The following SPG11 variants were observed in gnomAD, a reference collection of about 807,000 sequenced individuals.
The protein encoded by SPG11 is spatacsin.
In SPG11, 222 loss-of-function variants were observed where a neutral mutation model predicts 274.0. The ratio of observed to expected loss-of-function variants is 0.81; its 90% confidence interval spans 0.73 to 0.91. SPG11 has a LOEUF of 0.91. Ranked by LOEUF, SPG11 falls within the 40% of genes least tolerant of loss-of-function variation. The pLI, the probability that SPG11 is intolerant of heterozygous loss-of-function variation, is 0.00. For missense variants in SPG11, 3,114 were observed against 2,872.7 expected, an observed-to-expected ratio of 1.08 and a Z score of -1.92; for synonymous variants, 1,144 against 1,039.7, an observed-to-expected ratio of 1.10 and a Z score of -1.93.
At chr15:44,582,407 G>T (rs528410022) in intron 30 of SPG11, among the ~76,000 whole-genome samples, 1 of 152,242 alleles carries the variant, frequency 6.6e-6, no homozygotes, top group Admixed American at 6.5e-5. Context: ...AAGTAGCCAA[G>T]CGTGGTGGTA....
rs764762491 is a variant in SPG11 at position 44,628,733 on chromosome 15, T to C, written c.2003A>G (p.Tyr668Cys). Reference protein sequence around the residue: ...PWKLTDAIDEYDVHENVPKVK... With the variant: ...PWKLTDAIDECDVHENVPKVK... The stretch of plus-strand genomic sequence containing the variant: ...TTTGGGGACATTTTCATGTACATCA[T>C]ATTCATCTATAGCATCTGTTAGCTT... Residue 668 changes from tyrosine to cysteine, a missense_variant, in exon 10 of 40, where the codon TAT (tyrosine) becomes TGT (cysteine). Tyr to Cys is a radical substitution (Grantham distance 194). Transcript: ENST00000261866. 5.4e-5 allele frequency: 87 copies of C among 1,613,676 alleles called. No individual in the cohort carries two copies. The Middle Eastern group carries it at 1.2e-3, about 21-fold the overall frequency.
chr15:44,599,373 C>T (rs1184503678), intron 21 of SPG11, among the ~76,000 whole-genome samples: 2 of 152,070 alleles, frequency 1.3e-5, no homozygotes, highest in African/African-American at 4.8e-5. Context: ...ATTCTTGGCT[C>T]ACTTCAACCT....
chr15:44,620,361 G>A lies in SPG11; in HGVS notation c.2663C>T (p.Thr888Ile). Residue 888 changes from threonine to isoleucine, a missense_variant, in exon 15 of 40, where the codon ACA becomes ATA. Physicochemically the swap from Thr to Ile is moderately conservative, Grantham distance 89. Transcript: ENST00000261866. ...AATGTTTAACCAATCATGGCGAGCT[G>A]TGAGGTATCTCCAGAGGGCTTCAGG... ...YSPEALWRYL[T>I]ARHDWLNIIL... 1 of 1,614,040 alleles carries A rather than the reference G, an allele frequency of 6.2e-7. No homozygotes were observed. The highest frequency in any genetic ancestry group is 8.5e-7 in the Non-Finnish European group (1 of 1,179,986).
chr15:44,651,944 A>T lies in SPG11; in HGVS notation c.1008-5T>A, dbSNP rs759451349. On this transcript the variant is annotated splice_region_variant and splice_polypyrimidine_tract_variant and intron_variant, in intron 5 of 39. Coordinates refer to ENST00000261866, the MANE Select transcript of SPG11 (RefSeq NM_025137.4). ...GATAGCTGGGCTTTCCAAGACCTGG[A>T]AACAAGGTAAAATATAACTTAACAC... 1 of 1,608,582 alleles carries T rather than the reference A, an allele frequency of 6.2e-7. No individual in the cohort carries two copies. Among genetic ancestry groups the T allele is most frequent in the Non-Finnish European group, 8.5e-7 (1 of 1,178,836 alleles).
intron 27 of SPG11, among the ~76,000 whole-genome samples, chr15:44,589,779 C>G (rs2082856854): frequency 1.3e-5 from 2 of 152,156 alleles, no homozygotes; most frequent in African/African-American, 4.8e-5. Context: ...GTAAAATTAA[C>G]CAGATGTTTC....
chr15:44,592,240 G>A, intron 27 of SPG11, 91 bp downstream of exon 27: 1 of 782,972 alleles, frequency 1.3e-6, no homozygotes, highest in Non-Finnish European at 2.3e-6. Context: ...GTAACCGAGT[G>A]AGACACCAAG....
At chr15:44,621,638 G>A in intron 14 of SPG11, 121 bp downstream of exon 14, 1 of 976,402 alleles carries the variant, frequency 1.0e-6, no homozygotes. Context: ...GCATTTTAAA[G>A]AACCTGAATA....
intron 7 of SPG11, among the ~76,000 whole-genome samples, chr15:44,634,094 C>A (rs1291342164): frequency 6.6e-6 from 1 of 152,106 alleles, no homozygotes; most frequent in Non-Finnish European, 1.5e-5. Flanking sequence ...CTGCCTTGGC[C>A]TCCCAAAGTG....
In SPG11 at chr15:44,617,582, C is replaced by T. The variant is rs564220491; in HGVS notation, c.2835-2016G>A. On this transcript the variant is annotated intron_variant, in intron 15 of 39. Coordinates refer to ENST00000261866, the MANE Select transcript of SPG11 (RefSeq NM_025137.4). ...CACACTTCTGTTCTCTACCCCGGCACCAATACTCTGTCTTAACTGCTACAG... is the reference window on the plus strand; with the variant it reads ...CACACTTCTGTTCTCTACCCCGGCATCAATACTCTGTCTTAACTGCTACAG... 7.6e-4 allele frequency among the ~76,000 whole-genome samples: 116 copies of T among 152,298 alleles called. 1 individual carries two copies. The highest frequency in any genetic ancestry group is 2.7e-3 in the African/African-American group (111 of 41,566).
intron 2 of SPG11, 36 bp from the exon 3 acceptor site, chr15:44,659,339 G>A: frequency 6.4e-7 from 1 of 1,555,790 alleles, no homozygotes; most frequent in Non-Finnish European, 8.9e-7. Context: ...AAACTCATTG[G>A]TCACAATTTT....
intron 20 of SPG11, 99 bp from the exon 21 acceptor site, chr15:44,600,731 A>G: frequency 7.7e-7 from 1 of 1,290,638 alleles, no homozygotes; most frequent in Non-Finnish European, 1.1e-6. Flanking sequence ...GGTTGCTGTA[A>G]TTATTTTGCA....
rs754401126 is a variant in SPG11 at position 44,592,398 on chromosome 15, C to A, written c.4676G>T (p.Cys1559Phe). ...TTCTTTATAATTCCTGAAGAACATA[C>A]ACAGTTCATACATCTCCATCACCAG... ...LLLVMEMYEL[C>F]MFFRNYKEAE... Residue 1559 changes from cysteine to phenylalanine, a missense_variant, in exon 27 of 40, where the codon TGT (cysteine) becomes TTT (phenylalanine). Transcript: ENST00000261866. 2 of 1,611,698 alleles carry A rather than the reference C, an allele frequency of 1.2e-6. No individual in the cohort carries two copies. The highest frequency in any genetic ancestry group is 3.3e-5 in the Admixed American group (2 of 59,996).
intron 11 of SPG11, among the ~76,000 whole-genome samples, chr15:44,625,157 T>G (rs894268547): frequency 6.7e-6 from 1 of 148,648 alleles, no homozygotes; most frequent in Non-Finnish European, 1.5e-5. Context: ...AAAAAAGCTC[T>G]CAGTACCAAA....
Position 44,600,542 on chromosome 15 carries a change from T to A in SPG11, c.3611A>T (p.His1204Leu). Reference protein sequence around the residue: ...VERLNFAYYLHNGRPSFAFGT... With the variant: ...VERLNFAYYLLNGRPSFAFGT... ...AAATGCAAATGATGGCCGCCCATTA[T>A]GTAAATAATAAGCAAAATTCAGACG... The change falls in exon 21 of 40, where the codon CAT becomes CTT. Residue 1204 changes from histidine (H) to leucine (L), a missense_variant. Physicochemically the swap from His to Leu is moderately conservative, Grantham distance 99 (BLOSUM62 -3). Coordinates refer to ENST00000261866, the MANE Select transcript of SPG11 (RefSeq NM_025137.4). The A allele has an allele frequency of 6.2e-7, 1 of 1,614,212 alleles. No individual in the cohort carries two copies. Among genetic ancestry groups the A allele is most frequent in the Non-Finnish European group, 8.5e-7 (1 of 1,180,032 alleles).
intron 7 of SPG11, among the ~76,000 whole-genome samples, chr15:44,635,519 T>C (rs1297918616): frequency 1.5e-5 from 2 of 135,224 alleles, no homozygotes; most frequent in African/African-American, 5.6e-5. Flanking sequence ...GGCAGGAGGG[T>C]GTCTTGAGCC....
At chr15:44,612,047 G>A (rs893838835) in intron 17 of SPG11, among the ~76,000 whole-genome samples, 2 of 152,068 alleles carry the variant, frequency 1.3e-5, no homozygotes, top group African/African-American at 2.4e-5. Flanking sequence ...CTGACCTCGT[G>A]ATCTGCCCGC....
chr15:44,571,998 T>C (rs1477540098), intron 33 of SPG11, among the ~76,000 whole-genome samples: 1 of 152,268 alleles, frequency 6.6e-6, no homozygotes, highest in African/African-American at 2.4e-5. Context: ...CTCACTATGT[T>C]GCCCAGATTG....
At chr15:44,566,193 G>A (rs1435842302) in intron 37 of SPG11, 24 bp downstream of exon 37, 2 of 1,612,800 alleles carry the variant, frequency 1.2e-6, no homozygotes, top group Non-Finnish European at 1.7e-6. Flanking sequence ...CCCAAGGCCA[G>A]TCTGAAAAAA....
rs1439018038 is a variant in SPG11 at position 44,572,690 on chromosome 15, CAGTTCCCCATGGGGAACGG to C, written c.6317_6335del (p.Ser2106CysfsTer8). Reference sequence around the variant, plus strand: ...AAAAGGTCAATAACTTACTGCAAGACAGTTCCCCATGGGGAACGGAGGAAATCTTATCCAACAACTTCAT... The same window carrying C: ...AAAAGGTCAATAACTTACTGCAAGACAGGAAATCTTATCCAACAACTTCAT... On this transcript the variant is annotated frameshift_variant, in exon 33 of 40. Transcript: ENST00000261866. LOFTEE classifies it high-confidence loss of function. 1.2e-6 allele frequency: 2 copies of C among 1,614,064 alleles called. No homozygotes were observed. Among genetic ancestry groups the C allele is most frequent in the Non-Finnish European group, 1.7e-6 (2 of 1,180,032 alleles).
Sources: gnomAD v4.1 joint callset for allele counts (sites outside exome capture counted in the v4.1 genomes callset) on GRCh38, gnomAD v4.1.1 for gene constraint, MANE v1.5 for transcripts, NCBI Gene and HGNC (gene_info 2026-07-23, HGNC 2026-07-21) for gene names.